The following CRTAC1 variants were observed in gnomAD, a reference collection of about 807,000 sequenced individuals.
The protein encoded by CRTAC1 is cartilage acidic protein 1.
In CRTAC1, 37 loss-of-function variants were observed where a neutral mutation model predicts 67.8. The ratio of observed to expected loss-of-function variants is 0.55; its 90% confidence interval spans 0.42 to 0.72. The LOEUF is 0.72. Ranked by LOEUF, CRTAC1 falls within the 30% of genes least tolerant of loss-of-function variation. The pLI, the probability that CRTAC1 is intolerant of heterozygous loss-of-function variation, is 0.00. For missense variants in CRTAC1, 780 were observed against 931.6 expected (o/e 0.84, Z 2.12); for synonymous variants, 348 against 371.0 (o/e 0.94, Z 0.71).
intron 2 of CRTAC1, among the ~76,000 whole-genome samples, chr10:97,966,132 G>T (rs188940120): frequency 4.3e-4 from 65 of 152,332 alleles, no homozygotes; most frequent in African/African-American, 1.5e-3. Flanking sequence ...AGGCTTGAGT[G>T]CAGTGGCATG....
chr10:97,997,730 C>G (rs1842610840), intron 2 of CRTAC1, among the ~76,000 whole-genome samples: 1 of 152,024 alleles, frequency 6.6e-6, no homozygotes, highest in South Asian at 2.1e-4. Context: ...TGAAAAGAAC[C>G]ATATAAAACT....
intron 1 of CRTAC1, among the ~76,000 whole-genome samples, chr10:98,011,791 A>G (rs1234141452): frequency 6.6e-6 from 1 of 152,106 alleles, no homozygotes; most frequent in Non-Finnish European, 1.5e-5. Flanking sequence ...GAAAGGAGGG[A>G]GGAAGGGAGG....
intron 3 of CRTAC1, among the ~76,000 whole-genome samples, chr10:97,931,622 C>T (rs1564899978): frequency 6.6e-6 from 1 of 152,186 alleles, no homozygotes; most frequent in Non-Finnish European, 1.5e-5. Context: ...AGGAGGGAGA[C>T]ACATAAATTA....
chr10:97,950,941 AAGG>A (rs1394000945), intron 2 of CRTAC1, among the ~76,000 whole-genome samples: 1 of 152,146 alleles, frequency 6.6e-6, no homozygotes, highest in Non-Finnish European at 1.5e-5. Flanking sequence ...CGGCTTGAGG[AAGG>A]AGAAGTTGGA....
At chr10:97,916,290 C>T (rs1194754055) in intron 5 of CRTAC1, among the ~76,000 whole-genome samples, 2 of 152,124 alleles carry the variant, frequency 1.3e-5, no homozygotes, top group Non-Finnish European at 1.5e-5. Context: ...ATTTCTTTTC[C>T]GGGGGAAACA....
chr10:98,018,882 C>G (rs1843060109), intron 1 of CRTAC1, among the ~76,000 whole-genome samples: 1 of 152,194 alleles, frequency 6.6e-6, no homozygotes, highest in African/African-American at 2.4e-5. Flanking sequence ...TCCTGGAACT[C>G]AAGCAACACT....
intron 2 of CRTAC1, among the ~76,000 whole-genome samples, chr10:97,946,110 A>G (rs146989630): frequency 0.013 from 1,910 of 152,330 alleles, 15 homozygotes; most frequent in Non-Finnish European, 0.02. Context: ...CCATTTCTCA[A>G]TGCATGTTTC....
chr10:97,891,284 A>G (rs147764514), intron 11 of CRTAC1, among the ~76,000 whole-genome samples: 38 of 152,312 alleles, frequency 2.5e-4, no homozygotes, highest in Admixed American at 7.8e-4. Flanking sequence ...CATTGTTTTT[A>G]CAATCAGAAA....
At chr10:97,992,315 T>C (rs1401385560) in intron 2 of CRTAC1, among the ~76,000 whole-genome samples, 1 of 152,178 alleles carries the variant, frequency 6.6e-6, no homozygotes, top group African/African-American at 2.4e-5. Flanking sequence ...GAAGGAAGGA[T>C]ATGGACAACA....
intron 2 of CRTAC1, among the ~76,000 whole-genome samples, chr10:97,982,170 G>T (rs951169782): frequency 7.9e-5 from 12 of 152,292 alleles, no homozygotes; most frequent in Admixed American, 6.5e-4. Context: ...TCACTCAAAT[G>T]ATAGCTAGTG....
intron 2 of CRTAC1, among the ~76,000 whole-genome samples, chr10:98,003,998 T>G (rs367963210): frequency 1.3e-5 from 2 of 152,242 alleles, no homozygotes; most frequent in South Asian, 2.1e-4. Context: ...AGGTAACCTT[T>G]TTTAGAAAAG....
At chr10:98,019,665 C>T (rs934356437) in intron 1 of CRTAC1, among the ~76,000 whole-genome samples, 2 of 152,168 alleles carry the variant, frequency 1.3e-5, no homozygotes, top group Non-Finnish European at 2.9e-5. Flanking sequence ...TCAAAGAGCC[C>T]TCCCTGGACC....
At chr10:98,004,993 G>A (rs1253595206) in intron 2 of CRTAC1, among the ~76,000 whole-genome samples, 1 of 147,570 alleles carries the variant, frequency 6.8e-6, no homozygotes, top group East Asian at 2.0e-4. Flanking sequence ...AGGAGTGTGG[G>A]TTGGTAAAAA....
intron 3 of CRTAC1, among the ~76,000 whole-genome samples, chr10:97,927,608 C>T (rs10736120): frequency 0.66 from 100,458 of 152,108 alleles, 34,656 homozygotes; most frequent in East Asian, 0.83. Context: ...TCCTGGCTCC[C>T]GAGCTCACCA....
At chr10:97,945,421 G>A (rs547562108) in intron 2 of CRTAC1, among the ~76,000 whole-genome samples, 4 of 152,260 alleles carry the variant, frequency 2.6e-5, no homozygotes, top group Admixed American at 1.3e-4. Context: ...TTGGAAATGT[G>A]TGTAATGCTC....
chr10:97,936,379 T>G lies in CRTAC1; in HGVS notation c.225-13A>C. The G allele has an allele frequency of 6.3e-7, 1 of 1,594,728 alleles. No individual in the cohort carries two copies. The highest frequency in any genetic ancestry group is 8.6e-7 in the Non-Finnish European group (1 of 1,165,458). The stretch of plus-strand genomic sequence containing the variant: ...GGGTCCATTGTACCTGGAGGAGGAA[T>G]GGGGAGGGGATGCTGGGGAGGAGCC... On this transcript the variant is annotated splice_polypyrimidine_tract_variant and intron_variant, in intron 2 of 14. Coordinates refer to ENST00000370597, the MANE Select transcript of CRTAC1 (RefSeq NM_018058.7).
chr10:97,986,557 C>A (rs2051986664), intron 2 of CRTAC1, among the ~76,000 whole-genome samples: 1 of 152,088 alleles, frequency 6.6e-6, no homozygotes, highest in African/African-American at 2.4e-5. Context: ...AAAGCAAAAC[C>A]CCCATCATCT....
At chr10:97,917,757 T>C (rs745399252) in intron 4 of CRTAC1, 101 bp from the exon 5 acceptor site, 52 of 983,522 alleles carry the variant, frequency 5.3e-5, no homozygotes, top group Non-Finnish European at 7.1e-5. Flanking sequence ...TTTCACAGGG[T>C]TGGGTTCTTC....
intron 3 of CRTAC1, among the ~76,000 whole-genome samples, chr10:97,923,823 C>A (rs1351543266): frequency 1.3e-5 from 2 of 152,194 alleles, no homozygotes; most frequent in African/African-American, 4.8e-5. Context: ...TACTGGATCG[C>A]AGGACCTACC....
Sources: allele counts gnomAD v4.1 joint callset (sites outside exome capture counted in the v4.1 genomes callset), GRCh38; gene constraint gnomAD v4.1.1; transcripts MANE v1.5; gene names NCBI Gene and HGNC (gene_info 2026-07-23, HGNC 2026-07-21).